RPS6KC1: variants seen among roughly 807,000 people sequenced by gnomAD.
RPS6KC1 encodes the protein ribosomal protein S6 kinase C1, also known as inactive ribosomal protein S6 kinase delta-1.
Under a neutral mutation model 103.8 loss-of-function variants are expected in RPS6KC1, and 54 were observed. The ratio of observed to expected loss-of-function variants is 0.52; its 90% CI spans 0.42 to 0.65. The LOEUF (loss-of-function observed/expected upper bound fraction) is 0.65, where lower values mean the gene tolerates loss of function less well. Among genes scored for constraint, RPS6KC1 ranks in the 30% least tolerant of loss-of-function variants. The pLI is 0.00. For missense variants in RPS6KC1, 1,151 were observed against 1,253.8 expected (o/e 0.92, Z 1.24); for synonymous variants, 439 against 438.7 (o/e 1.00, Z -0.01).
the RPS6KC1 span, among the ~76,000 whole-genome samples, chr1:213,726,420 C>T: frequency 8.5e-5 from 13 of 152,130 alleles, no homozygotes; most frequent in Admixed American, 2.0e-4. Context: ...CACTAACTGT[C>T]ATAAAAAAGA....
At chr1:213,477,789 T>A in the RPS6KC1 span, among the ~76,000 whole-genome samples, 3 of 152,164 alleles carry the variant, frequency 2.0e-5, no homozygotes, top group Non-Finnish European at 4.4e-5. Flanking sequence ...GGATATCCCC[T>A]CTCCCTGCAT....
intron 1 of RPS6KC1, among the ~76,000 whole-genome samples, chr1:213,059,193 G>A (rs1432591926): frequency 6.6e-6 from 1 of 152,180 alleles, no homozygotes; most frequent in African/African-American, 2.4e-5. Flanking sequence ...TGCCATGTTG[G>A]TGTATCATGT....
At chr1:213,837,907 A>G in the RPS6KC1 span, among the ~76,000 whole-genome samples, 1 of 152,118 alleles carries the variant, frequency 6.6e-6, no homozygotes, top group African/African-American at 2.4e-5. Context: ...AGAAAATATC[A>G]TATCCTACTA....
the RPS6KC1 span, among the ~76,000 whole-genome samples, chr1:213,694,784 G>C: frequency 7.2e-5 from 11 of 152,212 alleles, no homozygotes; most frequent in Admixed American, 7.2e-4. Context: ...ATGCTGGACA[G>C]GCAGCCAGTA....
At chr1:213,520,148 T>C in the RPS6KC1 span, among the ~76,000 whole-genome samples, 1 of 152,160 alleles carries the variant, frequency 6.6e-6, no homozygotes, top group East Asian at 1.9e-4. Flanking sequence ...TGTGTATTAG[T>C]CCATTTTCAC....
At chr1:213,508,828 A>T in the RPS6KC1 span, among the ~76,000 whole-genome samples, 1 of 152,174 alleles carries the variant, frequency 6.6e-6, no homozygotes, top group East Asian at 1.9e-4. Context: ...CTAATCTGCA[A>T]ATGGTATCTA....
the RPS6KC1 span, among the ~76,000 whole-genome samples, chr1:213,572,915 C>G: frequency 6.6e-6 from 1 of 152,106 alleles, no homozygotes; most frequent in African/African-American, 2.4e-5. Context: ...AAACATGTCT[C>G]TCTGTGTGTG....
chr1:213,556,944 C>A, the RPS6KC1 span, among the ~76,000 whole-genome samples: 1 of 152,096 alleles, frequency 6.6e-6, no homozygotes, highest in African/African-American at 2.4e-5. Flanking sequence ...GGGGGTTATT[C>A]CCTCTCTCAG....
chr1:213,575,162 G>A, the RPS6KC1 span, among the ~76,000 whole-genome samples: 2 of 152,006 alleles, frequency 1.3e-5, no homozygotes, highest in Non-Finnish European at 2.9e-5. Flanking sequence ...ACTAGTATCT[G>A]TCTCTTAAAG....
At chr1:213,352,420 T>C in the RPS6KC1 span, among the ~76,000 whole-genome samples, 13 of 152,198 alleles carry the variant, frequency 8.5e-5, no homozygotes, top group Non-Finnish European at 1.9e-4. Context: ...TGCTTTAAAA[T>C]TTATCCTCTA....
the RPS6KC1 span, among the ~76,000 whole-genome samples, chr1:213,622,637 G>A: frequency 1.3e-5 from 2 of 152,056 alleles, no homozygotes; most frequent in African/African-American, 4.8e-5. Flanking sequence ...CCTGCAGTCG[G>A]CTGCACGTAT....
chr1:213,809,622 T>G, the RPS6KC1 span, among the ~76,000 whole-genome samples: 1 of 152,228 alleles, frequency 6.6e-6, no homozygotes, highest in Non-Finnish European at 1.5e-5. Context: ...ATAATTCATT[T>G]TCAAGAAACT....
At chr1:213,425,056 T>C in the RPS6KC1 span, among the ~76,000 whole-genome samples, 1 of 152,104 alleles carries the variant, frequency 6.6e-6, no homozygotes, top group African/African-American at 2.4e-5. Flanking sequence ...GGAGCCGCCA[T>C]GTAGCAGGGA....
intron 14 of RPS6KC1, among the ~76,000 whole-genome samples, chr1:213,269,226 T>G (rs769567560): frequency 7.2e-5 from 11 of 152,088 alleles, no homozygotes; most frequent in Non-Finnish European, 1.6e-4. Flanking sequence ...ATCTGACACA[T>G]GTTTCATAGT....
At chr1:213,430,617 C>T in the RPS6KC1 span, among the ~76,000 whole-genome samples, 1 of 152,194 alleles carries the variant, frequency 6.6e-6, no homozygotes, top group Non-Finnish European at 1.5e-5. Flanking sequence ...TCCTCAGCAT[C>T]TGGACGAAGT....
the RPS6KC1 span, among the ~76,000 whole-genome samples, chr1:213,577,667 G>C: frequency 5.9e-5 from 9 of 152,202 alleles, no homozygotes; most frequent in Admixed American, 4.6e-4. Flanking sequence ...CTGTTCTAGA[G>C]ATCTGTGGAA....
chr1:213,293,511 C>A, the RPS6KC1 span, among the ~76,000 whole-genome samples: 1 of 152,156 alleles, frequency 6.6e-6, no homozygotes, highest in Non-Finnish European at 1.5e-5. Flanking sequence ...TTGGTCATTT[C>A]TAAACCAAAT....
the RPS6KC1 span, among the ~76,000 whole-genome samples, chr1:213,559,406 A>G: frequency 0.011 from 1,718 of 152,320 alleles, 35 homozygotes; most frequent in African/African-American, 0.039. Context: ...AAAAAGTATA[A>G]GTGTGACTGC....
the RPS6KC1 span, among the ~76,000 whole-genome samples, chr1:213,644,526 A>T: frequency 1.3e-5 from 2 of 152,022 alleles, no homozygotes; most frequent in Non-Finnish European, 2.9e-5. Flanking sequence ...TTGTCTATTC[A>T]TCCCTCCCAC....
Sources: allele counts gnomAD v4.1 joint callset (sites outside exome capture counted in the v4.1 genomes callset), GRCh38; gene constraint gnomAD v4.1.1; transcripts MANE v1.5; gene names NCBI Gene and HGNC (gene_info 2026-07-23, HGNC 2026-07-21).